PRDM10: variants seen among roughly 807,000 people sequenced by gnomAD.
The protein encoded by PRDM10 is PR domain zinc finger protein 10.
Under a neutral mutation model 133.1 loss-of-function variants are expected in PRDM10, and 65 were observed. That is an observed-to-expected ratio of 0.49 (90% CI 0.40 to 0.60). The LOEUF (loss-of-function observed/expected upper bound fraction) is 0.60, where lower values mean the gene tolerates loss of function less well. PRDM10 is among the 20% of genes least tolerant of loss of function. The probability of loss-of-function intolerance (pLI) is 0.00; values close to 1 mark genes in which losing one functional copy is unlikely to be tolerated. For missense variants in PRDM10, 1,137 were observed against 1,507.1 expected (o/e 0.75, Z 4.07); for synonymous variants, 582 against 580.4 (o/e 1.00, Z -0.04).
At chr11:129,980,860 GGTT>G (rs1014694895) in intron 1 of PRDM10, among the ~76,000 whole-genome samples, 3 of 134,444 alleles carry the variant, frequency 2.2e-5, no homozygotes, top group African/African-American at 5.7e-5. Context: ...TGACATTTCT[GGTT>G]TTTTTTTTTT....
chr11:129,927,735 T>C (rs185515332), intron 11 of PRDM10, among the ~76,000 whole-genome samples: 1 of 152,252 alleles, frequency 6.6e-6, no homozygotes, highest in Admixed American at 6.5e-5. Context: ...ATTTCTCTGA[T>C]CTAATGATAC....
chr11:129,993,694 C>T (rs141251936), intron 1 of PRDM10, among the ~76,000 whole-genome samples: 3,110 of 152,236 alleles, frequency 0.02, 84 homozygotes, highest in African/African-American at 0.065. Flanking sequence ...CCATGTTAGC[C>T]AGGATGGTCT....
In PRDM10 at chr11:129,923,182, T is replaced by C; in HGVS notation, c.2034+66A>G. On this transcript the variant is annotated intron_variant, in intron 13 of 20. Transcript: ENST00000360871. This position sits in a 1 kb window ranked among gnomAD's most constrained non-coding sequence, Gnocchi z 4.4. The stretch of plus-strand genomic sequence containing the variant: ...TAAACTGATGAAATGAACAGGCATT[T>C]ACCCTCAGCTTGCTATAATTCCAGT... 1 of 1,474,210 alleles carries C rather than the reference T, an allele frequency of 6.8e-7. No homozygotes were observed. Among genetic ancestry groups the C allele is most frequent in the South Asian group, 1.4e-5 (1 of 73,242 alleles). The allele number at this position is 1,474,210 out of a possible 1,614,324, so 91.3% of individuals were successfully genotyped here. A position where few individuals can be genotyped will look rare whatever the true frequency, so the allele number is the denominator to read the frequency against.
intron 1 of PRDM10, among the ~76,000 whole-genome samples, chr11:129,974,111 T>A (rs911966826): frequency 4.6e-5 from 7 of 152,186 alleles, no homozygotes; most frequent in Non-Finnish European, 1.0e-4. Context: ...CTCTATCACC[T>A]GTAATATGGA....
chr11:129,949,156 T>A (rs1434806866), intron 4 of PRDM10, among the ~76,000 whole-genome samples: 3 of 152,206 alleles, frequency 2.0e-5, no homozygotes, highest in Non-Finnish European at 4.4e-5. Context: ...CGTTTTCACA[T>A]GAGTCCATCT....
intron 13 of PRDM10, among the ~76,000 whole-genome samples, chr11:129,920,359 G>A (rs1363271719): frequency 1.3e-5 from 2 of 152,056 alleles, no homozygotes; most frequent in Non-Finnish European, 2.9e-5. Context: ...GGTATCAGCG[G>A]TGTTCCCAAA....
chr11:130,001,903 C>T (rs1939410408), intron 1 of PRDM10, among the ~76,000 whole-genome samples: 1 of 151,810 alleles, frequency 6.6e-6, no homozygotes, highest in Non-Finnish European at 1.5e-5. Flanking sequence ...CGGCCAGCCC[C>T]GACGCGGTGC....
chr11:129,908,497 G>A (rs528382620), intron 19 of PRDM10, among the ~76,000 whole-genome samples: 1 of 152,088 alleles, frequency 6.6e-6, no homozygotes, highest in African/African-American at 2.4e-5. Context: ...TTTAGAGGTA[G>A]GTACCAAAAT....
chr11:129,910,606 G>C lies in PRDM10; in HGVS notation c.3033C>G (p.Leu1011=). 6.2e-7 allele frequency: 1 copy of C among 1,612,644 alleles called. No individual in the cohort carries two copies. Among genetic ancestry groups the C allele is most frequent in the Non-Finnish European group, 8.5e-7 (1 of 1,179,096 alleles). Residue 1011 remains leucine, a synonymous_variant, in exon 19 of 21, where the codon CTC becomes CTG. Coordinates refer to ENST00000360871, the MANE Select transcript of PRDM10 (RefSeq NM_199437.2). ...SPSAQQAQQG[L]SPSHIQGSSS... is the part of the protein sequence containing the mutation. ...AACTGCCCTGGATGTGGGAGGGGCT[G>C]AGCCCCTGCTGAGCCTGCTGGGCTG...
chr11:129,972,657 C>A (rs1418519984), intron 1 of PRDM10, among the ~76,000 whole-genome samples: 2 of 152,130 alleles, frequency 1.3e-5, no homozygotes, highest in Non-Finnish European at 2.9e-5. Flanking sequence ...CACAGTGTGG[C>A]CACAGGACTG....
intron 16 of PRDM10, 25 bp from the exon 17 acceptor site, chr11:129,915,043 G>T: frequency 6.4e-7 from 1 of 1,551,672 alleles, no homozygotes; most frequent in South Asian, 1.2e-5. Flanking sequence ...CAAAAAACAA[G>T]AATAATTATT....
At chr11:129,973,460 A>T (rs188213515) in intron 1 of PRDM10, among the ~76,000 whole-genome samples, 7 of 152,354 alleles carry the variant, frequency 4.6e-5, no homozygotes, top group Admixed American at 3.3e-4. Context: ...TAAATTCCAG[A>T]TGCAGATTTT....
intron 1 of PRDM10, among the ~76,000 whole-genome samples, chr11:129,997,719 C>G (rs1367454360): frequency 6.6e-6 from 1 of 152,084 alleles, no homozygotes. Flanking sequence ...CTTAGCTCAA[C>G]TTTTTTTAAT....
At position 129,936,923 on chromosome 11, in the gene PRDM10, A is replaced by G. The variant is rs191025540; in HGVS notation, c.1039+675T>C. Among the ~76,000 whole-genome samples the G allele has an allele frequency of 2.4e-3, 364 of 152,362 alleles. 4 individuals carry two copies. The highest frequency in any genetic ancestry group is 8.0e-3 in the African/African-American group (333 of 41,582). ...TACATCAACTGTTTTACATTCATAC[A>G]CTAGAATACCAAATGAGAATAAATA... On this transcript the variant is annotated intron_variant, in intron 8 of 20. Transcript: ENST00000360871.
At chr11:129,985,894 A>C (rs867195542) in intron 1 of PRDM10, among the ~76,000 whole-genome samples, 1 of 148,188 alleles carries the variant, frequency 6.7e-6, no homozygotes, top group African/African-American at 2.5e-5. Flanking sequence ...CAAGGTATAG[A>C]TCTTGAGGTT....
chr11:129,903,635 G>A (rs1017559435), intron 20 of PRDM10, among the ~76,000 whole-genome samples: 3 of 152,192 alleles, frequency 2.0e-5, no homozygotes, highest in African/African-American at 7.2e-5. Flanking sequence ...ACAGCACAGA[G>A]GAAGAGAGAC....
intron 1 of PRDM10, among the ~76,000 whole-genome samples, chr11:129,967,610 T>C (rs1951933912): frequency 6.6e-6 from 1 of 152,118 alleles, no homozygotes; most frequent in Non-Finnish European, 1.5e-5. Context: ...CATTTTTTAG[T>C]ACATGGCAAG....
intron 1 of PRDM10, among the ~76,000 whole-genome samples, chr11:129,973,555 C>T (rs550901088): frequency 2.6e-4 from 39 of 152,190 alleles, no homozygotes; most frequent in Middle Eastern, 3.4e-3. Flanking sequence ...AATAGAAAAG[C>T]ATATTTACTC....
Position 129,918,781 on chromosome 11 carries a change from G to T in PRDM10, c.2035-63C>A. ...GGGGTAGAAAATTTTTAACTGAAGG[G>T]ATCATTTTAAAAATCAATACAAATT... On this transcript the variant is annotated intron_variant, in intron 13 of 20. Coordinates refer to ENST00000360871, the MANE Select transcript of PRDM10 (RefSeq NM_199437.2). The surrounding 1 kb of genome is among the most constrained non-coding windows in gnomAD (Gnocchi z 5.3). 7.0e-7 allele frequency: 1 copy of T among 1,436,304 alleles called. No individual in the cohort carries two copies. The highest frequency in any genetic ancestry group is 2.3e-5 in the East Asian group (1 of 43,414). The allele number at this position is 1,436,304 out of a possible 1,614,324, so 89.0% of individuals were successfully genotyped here. A position where few individuals can be genotyped will look rare whatever the true frequency, so the allele number is the denominator to read the frequency against.
Sources: allele counts gnomAD v4.1 joint callset (sites outside exome capture counted in the v4.1 genomes callset), GRCh38; gene constraint gnomAD v4.1.1; non-coding constraint Gnocchi (gnomAD v3.1); transcripts MANE v1.5; gene names NCBI Gene and HGNC (gene_info 2026-07-23, HGNC 2026-07-21).